The following ARHGAP21 variants were observed in gnomAD, a reference collection of about 807,000 sequenced individuals.
ARHGAP21 encodes the protein Rho GTPase activating protein 21, also known as rho GTPase-activating protein 21.
In ARHGAP21, 38 loss-of-function variants were observed where a neutral mutation model predicts 164.6. The observed-to-expected ratio is 0.23, with a 90% CI of 0.18 to 0.30. ARHGAP21 has a LOEUF of 0.30. Among genes scored for constraint, ARHGAP21 ranks in the 10% least tolerant of loss-of-function variants. The probability of loss-of-function intolerance (pLI) is 1.00; values close to 1 mark genes in which losing one functional copy is unlikely to be tolerated. For missense variants in ARHGAP21, 1,822 were observed against 2,370.7 expected (o/e 0.77, Z 4.81); for synonymous variants, 766 against 857.9 (o/e 0.89, Z 1.87).
At chr10:24,618,205 C>T (rs900884954) in intron 9 of ARHGAP21, among the ~76,000 whole-genome samples, 14 of 152,152 alleles carry the variant, frequency 9.2e-5, no homozygotes, top group Non-Finnish European at 8.8e-5. Context: ...TATTGTTGTG[C>T]TATACATTTA....
At chr10:24,616,657 C>T (rs989633555) in intron 9 of ARHGAP21, among the ~76,000 whole-genome samples, 3 of 152,118 alleles carry the variant, frequency 2.0e-5, no homozygotes, top group African/African-American at 7.2e-5. Flanking sequence ...TAAGATGAAA[C>T]CCTGAGTGTA....
At chr10:24,702,733 T>G (rs1222500248) in intron 2 of ARHGAP21, among the ~76,000 whole-genome samples, 1 of 152,020 alleles carries the variant, frequency 6.6e-6, no homozygotes. Context: ...ACTACAGGTG[T>G]GCACTACTAT....
At chr10:24,721,633 T>C (rs1593408605) in intron 2 of ARHGAP21, among the ~76,000 whole-genome samples, 1 of 152,334 alleles carries the variant, frequency 6.6e-6, no homozygotes, top group Non-Finnish European at 1.5e-5. Flanking sequence ...GGACATGTTC[T>C]TGCAAAAGAA....
At chr10:24,658,501 A>G (rs988899012) in intron 4 of ARHGAP21, among the ~76,000 whole-genome samples, 2 of 152,222 alleles carry the variant, frequency 1.3e-5, no homozygotes, top group Non-Finnish European at 2.9e-5. Flanking sequence ...ATGCAGCCAT[A>G]AAAAAGGATG....
chr10:24,654,078 C>T (rs1023844002), intron 4 of ARHGAP21, among the ~76,000 whole-genome samples: 1 of 152,116 alleles, frequency 6.6e-6, no homozygotes, highest in African/African-American at 2.4e-5. Flanking sequence ...ATTCAACAGC[C>T]CTTCATGCTA....
At chr10:24,615,758 T>G (rs753133712) in intron 9 of ARHGAP21, among the ~76,000 whole-genome samples, 2 of 134,096 alleles carry the variant, frequency 1.5e-5, no homozygotes, top group Non-Finnish European at 3.4e-5. Flanking sequence ...ACGGCATAAG[T>G]TTTTGTTATT....
chr10:24,682,303 ACAGG>A (rs1441472808), intron 2 of ARHGAP21, among the ~76,000 whole-genome samples: 1 of 152,226 alleles, frequency 6.6e-6, no homozygotes, highest in Non-Finnish European at 1.5e-5. Flanking sequence ...TGATGGAAAA[ACAGG>A]CTTGCTGTGA....
chr10:24,680,499 T>C (rs1389935231), intron 2 of ARHGAP21, among the ~76,000 whole-genome samples: 1 of 152,170 alleles, frequency 6.6e-6, no homozygotes, highest in Non-Finnish European at 1.5e-5. Flanking sequence ...CTGGGCTCTT[T>C]ACACAAACAG....
intron 11 of ARHGAP21, among the ~76,000 whole-genome samples, chr10:24,607,012 T>C (rs941290752): frequency 3.9e-5 from 6 of 152,184 alleles, no homozygotes; most frequent in South Asian, 4.1e-4. Context: ...ATATAGAGTA[T>C]TGGTTAAGTA....
intron 4 of ARHGAP21, among the ~76,000 whole-genome samples, chr10:24,636,650 TTAA>T (rs1396918759): frequency 6.6e-6 from 1 of 152,186 alleles, no homozygotes; most frequent in East Asian, 1.9e-4. Context: ...AGGAAGTTAC[TTAA>T]TAAAGGAATA....
chr10:24,593,499 T>TA (rs2076430067), intron 21 of ARHGAP21, among the ~76,000 whole-genome samples: 1 of 152,078 alleles, frequency 6.6e-6, no homozygotes, highest in Non-Finnish European at 1.5e-5. Context: ...ACCGTAATAT[T>TA]TTATCTGGGT....
intron 2 of ARHGAP21, among the ~76,000 whole-genome samples, chr10:24,679,869 G>A (rs989233167): frequency 3.9e-5 from 6 of 152,070 alleles, no homozygotes; most frequent in African/African-American, 1.2e-4. Context: ...TGCCATGTTG[G>A]TGTGCTGCAC....
At chr10:24,596,263 C>T (rs2076575585) in intron 17 of ARHGAP21, 2 of 458,550 alleles carry the variant, frequency 4.4e-6, no homozygotes, top group Non-Finnish European at 7.5e-6. Flanking sequence ...GAGGGACCCC[C>T]AGAGAGATAA....
At chr10:24,705,271 G>A (rs1212063550) in intron 2 of ARHGAP21, among the ~76,000 whole-genome samples, 1 of 152,150 alleles carries the variant, frequency 6.6e-6, no homozygotes, top group Non-Finnish European at 1.5e-5. Context: ...GATAATTCCA[G>A]TATCTATCTT....
chr10:24,679,908 T>A (rs1841613616), intron 2 of ARHGAP21, among the ~76,000 whole-genome samples: 1 of 152,174 alleles, frequency 6.6e-6, no homozygotes, highest in African/African-American at 2.4e-5. Flanking sequence ...ACATTAGGTA[T>A]ATCTCCTAAT....
chr10:24,675,606 A>C lies in ARHGAP21; in HGVS notation c.64-5209T>G, dbSNP rs556585145. Among the ~76,000 whole-genome samples, 16 of 152,292 alleles carry C rather than the reference A, an allele frequency of 1.1e-4. No homozygotes were observed. The East Asian group carries it at 2.3e-3, about 22-fold the overall frequency. Reference sequence around the variant, plus strand: ...CTCAATAAAGACATTTAAACAAAAGAAGCAGCAATAGGATGCTTATCATGA... The same window carrying C: ...CTCAATAAAGACATTTAAACAAAAGCAGCAGCAATAGGATGCTTATCATGA... On this transcript the variant is annotated intron_variant, in intron 2 of 25. Transcript: ENST00000396432.
At position 24,702,126 on chromosome 10, in the gene ARHGAP21, TC is replaced by T. The variant is rs1302521161; in HGVS notation, c.63+19710del. On this transcript the variant is annotated intron_variant, in intron 2 of 25. Coordinates refer to ENST00000396432, the MANE Select transcript of ARHGAP21 (RefSeq NM_020824.4). ...GTGAGGGGGAGAAAATACTTCCGGT[TC>T]TTTTTTTTTTTTTTTTTTTTTGAGA... Among the ~76,000 whole-genome samples the T allele has an allele frequency of 8.4e-3, 918 of 109,540 alleles. 11 individuals are homozygous for T. The highest frequency in any genetic ancestry group is 0.029 in the South Asian group (91 of 3,150). 71.9% of individuals were successfully genotyped at this position (109,540 alleles called of 152,430 possible). A position where few individuals can be genotyped will look rare whatever the true frequency, so the allele number is the denominator to read the frequency against.
At chr10:24,647,885 T>G (rs1428341634) in intron 4 of ARHGAP21, among the ~76,000 whole-genome samples, 2 of 152,266 alleles carry the variant, frequency 1.3e-5, no homozygotes, top group African/African-American at 4.8e-5. Flanking sequence ...TTCCCCAGGC[T>G]GGAGTGCAGT....
At chr10:24,703,408 G>T (rs80068155) in intron 2 of ARHGAP21, among the ~76,000 whole-genome samples, 1 of 152,010 alleles carries the variant, frequency 6.6e-6, no homozygotes, top group Admixed American at 6.6e-5. Flanking sequence ...CTATATCCAG[G>T]TTATCTCATT....
Sources: allele counts gnomAD v4.1 joint callset (sites outside exome capture counted in the v4.1 genomes callset), GRCh38; gene constraint gnomAD v4.1.1; transcripts MANE v1.5; gene names NCBI Gene and HGNC (gene_info 2026-07-23, HGNC 2026-07-21).